The following TTC23 variants were observed in gnomAD, a reference collection of about 807,000 sequenced individuals.
The protein encoded by TTC23 is tetratricopeptide repeat protein 23.
Under a neutral mutation model 55.1 loss-of-function variants are expected in TTC23, and 58 were observed. The ratio of observed to expected loss-of-function variants is 1.05; its 90% CI spans 0.85 to 1.31. The LOEUF (loss-of-function observed/expected upper bound fraction) is 1.31. Among genes scored for constraint, TTC23 ranks in the 50% most tolerant of loss-of-function variants. The pLI is 0.00. For synonymous variants in TTC23, 203 were observed against 199.9 expected (o/e 1.02, Z -0.13); for missense variants, 516 against 534.4 (o/e 0.97, Z 0.34).
chr15:99,186,325 G>A (rs1316313631), intron 9 of TTC23, among the ~76,000 whole-genome samples: 1 of 152,092 alleles, frequency 6.6e-6, no homozygotes, highest in African/African-American at 2.4e-5. Flanking sequence ...CTCCAACCCA[G>A]ATTTTTTGAC....
chr15:99,222,634 G>T (rs1268939056), intron 5 of TTC23, among the ~76,000 whole-genome samples: 1 of 152,206 alleles, frequency 6.6e-6, no homozygotes, highest in East Asian at 1.9e-4. Context: ...AAAAAGAACA[G>T]AAAACTGGAT....
intron 4 of TTC23, among the ~76,000 whole-genome samples, 173 bp from the exon 5 acceptor site, chr15:99,228,905 CTTCT>C (rs757244427): frequency 1.2e-4 from 17 of 147,408 alleles, no homozygotes; most frequent in Non-Finnish European, 2.1e-4. Flanking sequence ...TAAATTAAAC[CTTCT>C]TTCTTTATGT....
chr15:99,179,893 G>C (rs1016407142), intron 9 of TTC23, among the ~76,000 whole-genome samples: 8 of 152,230 alleles, frequency 5.3e-5, no homozygotes, highest in African/African-American at 1.9e-4. Context: ...AAAGGACGTT[G>C]ACAATGCTAG....
At chr15:99,152,624 A>C (rs1343369593) in intron 12 of TTC23, among the ~76,000 whole-genome samples, 1 of 152,024 alleles carries the variant, frequency 6.6e-6, no homozygotes, top group Admixed American at 6.6e-5. Flanking sequence ...TGCCCAGCTC[A>C]GCCTCCAAAG....
rs574191344 is a variant in TTC23, at chr15:99,215,001, G to T, written c.581+3587C>A. ...CTCCCGAGTAGCTGGGATTACAGGTGCCCACCATCAGGCCCAGCTAATTTT... is the reference window on the plus strand; with the variant it reads ...CTCCCGAGTAGCTGGGATTACAGGTTCCCACCATCAGGCCCAGCTAATTTT... On this transcript the variant is annotated intron_variant, in intron 8 of 13. Coordinates refer to ENST00000394132, the MANE Select transcript of TTC23 (RefSeq NM_001288615.3). 2.0e-5 allele frequency among the ~76,000 whole-genome samples: 3 copies of T among 151,618 alleles called. No homozygotes were observed. The East Asian group carries it at 5.9e-4, about 30-fold the overall frequency.
Position 99,161,887 on chromosome 15 carries a change from A to G in TTC23, c.866-20T>C, listed in dbSNP as rs1275630027. On this transcript the variant is annotated intron_variant, in intron 10 of 13. Transcript: ENST00000394132. ...CTACATCTGAAGAAAAGCATTTATC[A>G]TAACTTTGAAAACTGCTCACAGATT... The G allele has an allele frequency of 4.4e-6, 7 of 1,584,076 alleles. No individual in the cohort carries two copies. The highest frequency in any genetic ancestry group is 2.7e-5 in the African/African-American group (2 of 73,260).
chr15:99,218,338 C>G (rs1437912949), intron 8 of TTC23, among the ~76,000 whole-genome samples: 1 of 152,078 alleles, frequency 6.6e-6, no homozygotes, highest in African/African-American at 2.4e-5. Flanking sequence ...GCAGGTAAAA[C>G]GAAAGTCAAG....
At chr15:99,235,884 G>A (rs1473832129) in intron 3 of TTC23, among the ~76,000 whole-genome samples, 1 of 152,082 alleles carries the variant, frequency 6.6e-6, no homozygotes, top group Non-Finnish European at 1.5e-5. Flanking sequence ...TAGGTACTTT[G>A]TATGTGTGGA....
intron 10 of TTC23, among the ~76,000 whole-genome samples, chr15:99,173,315 C>T (rs1173760817): frequency 1.3e-5 from 2 of 152,336 alleles, no homozygotes; most frequent in African/African-American, 4.8e-5. Flanking sequence ...TGGGCTGGGT[C>T]TGTGGTGGCT....
chr15:99,239,514 CAAAT>C (rs2079593893), intron 3 of TTC23, among the ~76,000 whole-genome samples: 1 of 151,988 alleles, frequency 6.6e-6, no homozygotes, highest in African/African-American at 2.4e-5. Flanking sequence ...AAAAAATAAA[CAAAT>C]AAAAATAAAT....
At position 99,156,162 on chromosome 15, in the gene TTC23, T is replaced by C. The variant is rs1242248457; in HGVS notation, c.1129A>G (p.Lys377Glu). The change falls in exon 12 of 14, where the codon AAG becomes GAG. Residue 377 changes from lysine (K) to glutamate (E), a missense_variant. Coordinates refer to ENST00000394132, the MANE Select transcript of TTC23 (RefSeq NM_001288615.3). ...TCCAGCTTTACCTTCTTCAGTTTCT[T>C]GCGGGCCCCACTGTGGTTCCCCTGC... The part of the protein sequence containing the change: ...LAQGNHSGAR[K>E]KLKKCLQIQT... 5.6e-6 allele frequency: 9 copies of C among 1,614,060 alleles called. No individual in the cohort carries two copies. Among genetic ancestry groups the C allele is most frequent in the Admixed American group, 3.3e-5 (2 of 60,012 alleles).
At chr15:99,174,939 T>C (rs760161484) in intron 10 of TTC23, 111 bp downstream of exon 10, 1 of 783,986 alleles carries the variant, frequency 1.3e-6, no homozygotes, top group African/African-American at 1.7e-5. Context: ...CAAGGAAGGC[T>C]CTGTGGCGGG....
At chr15:99,237,391 C>A (rs35991925) in intron 3 of TTC23, among the ~76,000 whole-genome samples, 17,365 of 151,816 alleles carry the variant, frequency 0.11, 1,099 homozygotes, top group Admixed American at 0.19. Flanking sequence ...AGAAAAAAAA[C>A]CCCAAATGTC....
intron 10 of TTC23, among the ~76,000 whole-genome samples, chr15:99,162,840 G>A (rs751296929): frequency 1.1e-4 from 17 of 152,150 alleles, no homozygotes; most frequent in Non-Finnish European, 2.2e-4. Context: ...AGCACTTTGG[G>A]AGGCCAAGGT....
At chr15:99,163,106 C>CAAAT (rs1035549243) in intron 10 of TTC23, among the ~76,000 whole-genome samples, 5 of 134,080 alleles carry the variant, frequency 3.7e-5, no homozygotes, top group African/African-American at 1.4e-4. Flanking sequence ...AACAAACAAA[C>CAAAT]AAAAACAACA....
rs140884415 is a variant in TTC23 at position 99,219,079 on chromosome 15, C to G, written c.305-31G>C. On this transcript the variant is annotated intron_variant, in intron 6 of 13. Coordinates refer to ENST00000394132, the MANE Select transcript of TTC23 (RefSeq NM_001288615.3). Reference sequence around the variant, plus strand: ...GACAAAGAAAAAGAGGTCTCAGTTTCTCTATCATCTCAACTGGACAGGAAT... The same window carrying G: ...GACAAAGAAAAAGAGGTCTCAGTTTGTCTATCATCTCAACTGGACAGGAAT... 1.0e-3 allele frequency: 1,649 copies of G among 1,610,474 alleles called. 16 individuals are homozygous for G. In the African/African-American group the frequency reaches 0.02, roughly 19 times the overall value.
chr15:99,144,369 C>T (rs2068586607), intron 12 of TTC23: 1 of 152,096 alleles, frequency 6.6e-6, no homozygotes, highest in South Asian at 2.1e-4. Context: ...ATTTAAAAAC[C>T]CACAGTAATT....
chr15:99,141,660 T>C (rs904386687), intron 12 of TTC23, among the ~76,000 whole-genome samples: 23 of 152,362 alleles, frequency 1.5e-4, no homozygotes, highest in African/African-American at 5.5e-4. Flanking sequence ...TTATTCATTC[T>C]GATCTGCCAA....
chr15:99,199,953 C>A lies in TTC23; in HGVS notation c.725G>T (p.Gly242Val). 1 of 1,613,542 alleles carries A rather than the reference C, an allele frequency of 6.2e-7. No homozygotes were observed. The highest frequency in any genetic ancestry group is 8.5e-7 in the Non-Finnish European group (1 of 1,179,770). ...RELAGVEQAL[G>V]LHDVSINHFL... ...GTGGTTGATGGATACATCGTGGAGT[C>A]CCAGGGCTTGCTCTACACCTGCTAA... Residue 242 changes from glycine (G) to valine (V), a missense_variant, in exon 9 of 14, where the codon GGA becomes GTA. Coordinates refer to ENST00000394132, the MANE Select transcript of TTC23 (RefSeq NM_001288615.3).
Sources: allele counts gnomAD v4.1 joint callset (sites outside exome capture counted in the v4.1 genomes callset), GRCh38; gene constraint gnomAD v4.1.1; transcripts MANE v1.5; gene names NCBI Gene and HGNC (gene_info 2026-07-23, HGNC 2026-07-21).